RNF216: variants seen among roughly 807,000 people sequenced by gnomAD.
RNF216 encodes the protein E3 ubiquitin-protein ligase RNF216.
RNF216 carries 72 observed loss-of-function variants against 110.8 expected under a neutral mutation model. The ratio of observed to expected loss-of-function variants is 0.65; its 90% CI spans 0.54 to 0.79. The LOEUF is 0.79. RNF216 is among the 30% of genes least tolerant of loss of function. RNF216 has a pLI of 0.00. For synonymous variants in RNF216, 495 were observed against 407.5 expected (o/e 1.21, Z -2.59); for missense variants, 1,342 against 1,141.2 (o/e 1.18, Z -2.54).
intron 1 of RNF216, among the ~76,000 whole-genome samples, chr7:5,774,811 T>C (rs529468768): frequency 2.0e-5 from 3 of 151,878 alleles, no homozygotes; most frequent in Admixed American, 1.3e-4. Flanking sequence ...CAGGCTGGAG[T>C]GCAATGGTGC....
At position 5,641,208 on chromosome 7, in the gene RNF216, T is replaced by C; in HGVS notation, c.2328A>G (p.Ser776=). Residue 776 remains serine (S), a synonymous_variant, in exon 15 of 17, where the codon TCA becomes TCG. Coordinates refer to ENST00000389902, the MANE Select transcript of RNF216 (RefSeq NM_207111.4). ...AACACTCCTGGCAAGGGGCTCCTGGTGAGCGGGGATGTTGGCAGAAATGGT... is the reference window on the plus strand; with the variant it reads ...AACACTCCTGGCAAGGGGCTCCTGGCGAGCGGGGATGTTGGCAGAAATGGT... ...GYDHFCQHPR[S]PGAPCQECSR... is the part of the protein sequence containing the mutation. 1 of 1,614,110 alleles carries C rather than the reference T, an allele frequency of 6.2e-7. No homozygotes were observed. The highest frequency in any genetic ancestry group is 8.5e-7 in the Non-Finnish European group (1 of 1,180,034).
chr7:5,715,039 T>TA lies in RNF216; in HGVS notation c.1833+13dup, dbSNP rs1180190786. ...TGTGTCCTATATACATGGGACATAT[T>TA]ACACAGTTCTTACCTTTCCAGATCC... On this transcript the variant is annotated intron_variant, in intron 11 of 16. Transcript: ENST00000389902. 5 of 1,606,690 alleles carry TA rather than the reference T, an allele frequency of 3.1e-6. No individual in the cohort carries two copies. The Admixed American group carries it at 8.4e-5, about 27-fold the overall frequency.
chr7:5,707,281 C>T (rs1175900221), intron 13 of RNF216, among the ~76,000 whole-genome samples: 1 of 152,102 alleles, frequency 6.6e-6, no homozygotes, highest in Non-Finnish European at 1.5e-5. Context: ...GATGTCTTTC[C>T]ATTTATTTAT....
intron 9 of RNF216, among the ~76,000 whole-genome samples, chr7:5,718,019 T>C (rs1793172687): frequency 6.6e-6 from 1 of 152,142 alleles, no homozygotes; most frequent in Non-Finnish European, 1.5e-5. Context: ...TAAAAATACG[T>C]ATACTTATTT....
intron 2 of RNF216, chr7:5,760,511 T>C (rs1202447700): frequency 1.9e-5 from 6 of 316,242 alleles, no homozygotes; most frequent in Non-Finnish European, 2.5e-5. Flanking sequence ...TAAAATTCCA[T>C]CTCAAAAAAA....
intron 3 of RNF216, among the ~76,000 whole-genome samples, chr7:5,748,595 A>G (rs958414067): frequency 2.1e-5 from 3 of 140,472 alleles, no homozygotes; most frequent in African/African-American, 5.3e-5. Context: ...AGAATGCAGT[A>G]TATTTTTTAT....
intron 3 of RNF216, among the ~76,000 whole-genome samples, chr7:5,742,552 A>G (rs117870934): frequency 0.019 from 2,854 of 150,766 alleles, 40 homozygotes; most frequent in Non-Finnish European, 0.03. Context: ...TTTAAATTAG[A>G]TAATACCAAG....
rs545038797 is a variant in RNF216, at chr7:5,622,650, C to T, written c.*210G>A. 24 of 570,100 alleles carry T rather than the reference C, an allele frequency of 4.2e-5. No individual in the cohort carries two copies. The highest frequency in any genetic ancestry group is 2.7e-4 in the Middle Eastern group (1 of 3,688). The allele number at this position is 570,100 out of a possible 1,614,324, so 35.3% of individuals were successfully genotyped here. On this transcript the variant is annotated 3_prime_UTR_variant, in exon 17 of 17. Coordinates refer to ENST00000389902, the MANE Select transcript of RNF216 (RefSeq NM_207111.4). ...GGGCAGTTCACATCGCAGCTCTCTC[C>T]GAACTCCACCATTTGGGACGTCTTT...
chr7:5,676,486 T>C (rs544280781), intron 13 of RNF216, among the ~76,000 whole-genome samples: 1 of 152,318 alleles, frequency 6.6e-6, no homozygotes, highest in South Asian at 2.1e-4. Flanking sequence ...CCCACCGAGC[T>C]GCACCTGCAT....
At chr7:5,781,242 T>G (rs1455886457) in intron 1 of RNF216, among the ~76,000 whole-genome samples, 1 of 151,962 alleles carries the variant, frequency 6.6e-6, no homozygotes, top group Non-Finnish European at 1.5e-5. Flanking sequence ...GCTGTTGCCC[T>G]CGCGCAGCAG....
rs1229456744 is a variant in RNF216, at chr7:5,621,177, T to TG, written c.*1682_*1683insC. Reference sequence around the variant, plus strand: ...AGAAAGAATGGGTATCTTAGTTTTTTTTTTTTTTTTTTTAAAGATAGAGTT... The same window carrying TG: ...AGAAAGAATGGGTATCTTAGTTTTTTGTTTTTTTTTTTTTAAAGATAGAGTT... On this transcript the variant is annotated 3_prime_UTR_variant, in exon 17 of 17. Coordinates refer to ENST00000389902, the MANE Select transcript of RNF216 (RefSeq NM_207111.4). 6.6e-6 allele frequency: 1 copy of TG among 151,704 alleles called. No individual in the cohort carries two copies. The highest frequency in any genetic ancestry group is 1.5e-5 in the Non-Finnish European group (1 of 67,934). 9.4% of individuals were successfully genotyped at this position (151,704 alleles called of 1,614,324 possible). A position where few individuals can be genotyped will look rare whatever the true frequency, so the allele number is the denominator to read the frequency against.
chr7:5,717,327 C>T (rs536394619), intron 9 of RNF216, among the ~76,000 whole-genome samples: 59 of 152,186 alleles, frequency 3.9e-4, no homozygotes, highest in African/African-American at 1.4e-3. Flanking sequence ...CACTCTAGCC[C>T]GGGCAACAAG....
intron 13 of RNF216, among the ~76,000 whole-genome samples, chr7:5,672,898 T>G (rs1790012215): frequency 6.6e-6 from 1 of 152,154 alleles, no homozygotes; most frequent in Non-Finnish European, 1.5e-5. Context: ...CCCTACTGGA[T>G]TCTATCGTTT....
Position 5,729,457 on chromosome 7 carries a change from T to C in RNF216, c.1364A>G (p.Lys455Arg), listed in dbSNP as rs747185634. 6 of 1,614,052 alleles carry C rather than the reference T, an allele frequency of 3.7e-6. No homozygotes were observed. Among genetic ancestry groups the C allele is most frequent in the Admixed American group, 1.7e-5 (1 of 60,012 alleles). Reference protein sequence around the residue: ...QDIKWALHELKGHYAITRKAL... With the variant: ...QDIKWALHELRGHYAITRKAL... ...CTTTCGGGTGATTGCATAGTGTCCT[T>C]TGAGCTCGTGCAGGGCCCACTTGAT... Residue 455 changes from lysine to arginine, a missense_variant, in exon 7 of 17, where the codon AAA becomes AGA. Transcript: ENST00000389902.
At chr7:5,733,778 T>C (rs1157693137) in intron 5 of RNF216, among the ~76,000 whole-genome samples, 1 of 152,116 alleles carries the variant, frequency 6.6e-6, no homozygotes, top group African/African-American at 2.4e-5. Flanking sequence ...CAAAGAAATG[T>C]CACTTATGCT....
At chr7:5,661,393 AT>A (rs1789128586) in intron 13 of RNF216, among the ~76,000 whole-genome samples, 2 of 152,226 alleles carry the variant, frequency 1.3e-5, no homozygotes, top group African/African-American at 4.8e-5. Flanking sequence ...AAAGAAATAA[AT>A]GAGACCTGCT....
intron 1 of RNF216, among the ~76,000 whole-genome samples, chr7:5,768,746 C>T (rs1319224672): frequency 1.3e-5 from 2 of 150,704 alleles, no homozygotes; most frequent in Non-Finnish European, 2.9e-5. Flanking sequence ...ACTGCAAGCT[C>T]CGCCTCCCGG....
At chr7:5,727,187 G>A (rs1562435186) in intron 7 of RNF216, among the ~76,000 whole-genome samples, 1 of 152,214 alleles carries the variant, frequency 6.6e-6, no homozygotes, top group Non-Finnish European at 1.5e-5. Flanking sequence ...GTGTGGCGGT[G>A]TTGAGAAGGT....
chr7:5,741,354 A>G lies in RNF216; in HGVS notation c.663T>C (p.Asp221=), dbSNP rs757297752. The G allele has an allele frequency of 5.6e-6, 9 of 1,614,076 alleles. No homozygotes were observed. The highest frequency in any genetic ancestry group is 7.6e-6 in the Non-Finnish European group (9 of 1,179,998). The change falls in exon 4 of 17, where the codon GAT becomes GAC. Residue 221 remains aspartate (D), a synonymous_variant. Coordinates refer to ENST00000389902, the MANE Select transcript of RNF216 (RefSeq NM_207111.4). The stretch of plus-strand genomic sequence containing the variant: ...ACCAGCAGTCTTCTTCGATGGCCTG[A>G]TCATCTGCTAGAGCAGCTGACTCTC... The part of the protein sequence containing the change: ...NLGESAALAD[D]QAIEEDCWLD...
Sources: gnomAD v4.1 joint callset for allele counts (sites outside exome capture counted in the v4.1 genomes callset) on GRCh38, gnomAD v4.1.1 for gene constraint, MANE v1.5 for transcripts, NCBI Gene and HGNC (gene_info 2026-07-23, HGNC 2026-07-21) for gene names.